The following MAN2C1 variants were observed in gnomAD, a reference collection of about 807,000 sequenced individuals.
MAN2C1 encodes alpha-mannosidase 2C1.
Under a neutral mutation model 126.9 loss-of-function variants are expected in MAN2C1, and 111 were observed. That is an observed-to-expected ratio of 0.87 (90% CI 0.75 to 1.02). The LOEUF is 1.02. Ranked by LOEUF, MAN2C1 falls within the 50% of genes least tolerant of loss-of-function variation. The pLI is 0.00. For synonymous variants in MAN2C1, 567 were observed against 561.5 expected (o/e 1.01, Z -0.14); for missense variants, 1,363 against 1,364.4 (o/e 1.00, Z 0.02).
In MAN2C1 at chr15:75,356,227, G is replaced by A. The variant is rs1392851683; in HGVS notation, c.2887-8C>T. ...CTGGGGGCTGCTCTCCGCCTGCAGA[G>A]GAACACGTCTGGTGGGAGGGGCCGA... is the stretch of plus-strand genomic sequence containing the variant. On this transcript the variant is annotated splice_region_variant and splice_polypyrimidine_tract_variant and intron_variant, in intron 24 of 25. Coordinates refer to ENST00000267978, the MANE Select transcript of MAN2C1 (RefSeq NM_006715.4). The surrounding 1 kb of genome is among the most constrained non-coding windows in gnomAD (Gnocchi z 5.8). 2 of 1,612,942 alleles carry A rather than the reference G, an allele frequency of 1.2e-6. No homozygotes were observed. Among genetic ancestry groups the A allele is most frequent in the East Asian group, 2.2e-5 (1 of 44,872 alleles).
intron 3 of MAN2C1, 56 bp from the exon 4 acceptor site, chr15:75,366,648 A>G: frequency 7.2e-7 from 1 of 1,379,728 alleles, no homozygotes; most frequent in Middle Eastern, 1.8e-4. Flanking sequence ...CAGTTCAGGT[A>G]AAGTGTAAGC....
At chr15:75,360,981 G>A in intron 12 of MAN2C1, 65 bp downstream of exon 12, 3 of 1,545,982 alleles carry the variant, frequency 1.9e-6, no homozygotes, top group Admixed American at 1.9e-5. Flanking sequence ...CAATGTCTGA[G>A]GGAAGGCAGG....
rs752487407 is a variant in MAN2C1 at position 75,358,555 on chromosome 15, G to A, written c.2310C>T (p.Ser770=). The change falls in exon 20 of 26, where the codon AGC becomes AGT. Residue 770 remains serine, a synonymous_variant. Transcript: ENST00000267978. ...GGCTGATCTGTAGCAAGAACCAGGC[G>A]CTGCCCCGCAGGCCGCCCTCGGTGC... is the stretch of plus-strand genomic sequence containing the variant. ...AVGTEGGLRG[S]AWFLLQISPN... The A allele has an allele frequency of 3.1e-6, 5 of 1,613,294 alleles. No homozygotes were observed. Among genetic ancestry groups the A allele is most frequent in the East Asian group, 4.5e-5 (2 of 44,898 alleles).
intron 3 of MAN2C1, among the ~76,000 whole-genome samples, chr15:75,366,993 A>G (rs1025621234): frequency 1.1e-4 from 17 of 152,164 alleles, no homozygotes; most frequent in Non-Finnish European, 2.1e-4. Context: ...AATGGACACC[A>G]GGAGATATTT....
rs558136510 is a variant in MAN2C1, at chr15:75,359,580, C to T, written c.1948+40G>A. ...CAGGCCTGATCTGTCTGGCCTCCAT[C>T]CTTCCTGCTGCAGTAGCAACCCTTC... is the stretch of plus-strand genomic sequence containing the variant. On this transcript the variant is annotated intron_variant, in intron 16 of 25. Transcript: ENST00000267978. 313 of 1,608,064 alleles carry T rather than the reference C, an allele frequency of 1.9e-4. 5 individuals are homozygous for T. In the South Asian group the frequency reaches 3.4e-3, roughly 17 times the overall value.
chr15:75,356,375 T>A lies in MAN2C1; in HGVS notation c.2812A>T (p.Ser938Cys). Residue 938 changes from serine to cysteine, a missense_variant, in exon 24 of 26, where the codon AGC (serine) becomes TGC (cysteine). Ser to Cys is a moderately radical substitution (Grantham distance 112). Around this residue, in one of 3 missense-constraint regions of MAN2C1, gnomAD observed 668 missense variants for 650.1 expected, o/e 1.03. Coordinates refer to ENST00000267978, the MANE Select transcript of MAN2C1 (RefSeq NM_006715.4). This position sits in a 1 kb window ranked among gnomAD's most constrained non-coding sequence, Gnocchi z 5.8. ...NFPLLALPAP[S>C]PAPATSWSAF... ...CTCCAGGAGGTGGCGGGCGCTGGGCTGGGGGCTGGCAGAGCCAACAGGGGG... is the reference window on the plus strand; with the variant it reads ...CTCCAGGAGGTGGCGGGCGCTGGGCAGGGGGCTGGCAGAGCCAACAGGGGG... The A allele has an allele frequency of 1.9e-6, 3 of 1,611,708 alleles. No homozygotes were observed. Among genetic ancestry groups the A allele is most frequent in the Non-Finnish European group, 2.5e-6 (3 of 1,179,250 alleles).
intron 21 of MAN2C1, 26 bp downstream of exon 21, chr15:75,358,167 AGTCCAAGG>A (rs1392228887): frequency 6.2e-7 from 1 of 1,611,162 alleles, no homozygotes; most frequent in Non-Finnish European, 8.5e-7. Flanking sequence ...GCCAGGGAGG[AGTCCAAGG>A]CCACTCCCAC....
rs1465516139 is a variant in MAN2C1 at position 75,359,440 on chromosome 15, T to C, written c.1949-15A>G. 4 of 1,605,112 alleles carry C rather than the reference T, an allele frequency of 2.5e-6. No homozygotes were observed. Among genetic ancestry groups the C allele is most frequent in the Non-Finnish European group, 3.4e-6 (4 of 1,174,766 alleles). On this transcript the variant is annotated splice_polypyrimidine_tract_variant and intron_variant, in intron 16 of 25. Coordinates refer to ENST00000267978, the MANE Select transcript of MAN2C1 (RefSeq NM_006715.4). ...TGTCACCAGGGCTGGGGGTGAGGCCTGGGCATCAGTGCAGCCTTCCTGACC... is the reference window on the plus strand; with the variant it reads ...TGTCACCAGGGCTGGGGGTGAGGCCCGGGCATCAGTGCAGCCTTCCTGACC...
chr15:75,367,380 C>A, intron 3 of MAN2C1, 131 bp downstream of exon 3: 1 of 1,218,244 alleles, frequency 8.2e-7, no homozygotes. Flanking sequence ...CTTCCCTAGT[C>A]CTGAAATCCT....
At chr15:75,359,016 T>C in intron 18 of MAN2C1, 43 bp downstream of exon 18, 1 of 1,608,466 alleles carries the variant, frequency 6.2e-7, no homozygotes, top group Non-Finnish European at 8.5e-7. Context: ...TGGCCTGGGG[T>C]CTACTTGCCA....
chr15:75,358,940 T>C, intron 18 of MAN2C1, 119 bp downstream of exon 18: 1 of 1,471,550 alleles, frequency 6.8e-7, no homozygotes, highest in Non-Finnish European at 9.4e-7. Flanking sequence ...GCTCCATGTG[T>C]GGGTTCCAGC....
chr15:75,367,646 C>G lies in MAN2C1; in HGVS notation c.228-12G>C. ...AGCAGGTCCACCATCTGCAAGAGAG[C>G]TGTTGTGATAGGCCTAGAGGTAGAA... On this transcript the variant is annotated splice_polypyrimidine_tract_variant and intron_variant, in intron 2 of 25. Coordinates refer to ENST00000267978, the MANE Select transcript of MAN2C1 (RefSeq NM_006715.4). 6.2e-7 allele frequency: 1 copy of G among 1,614,066 alleles called. No individual in the cohort carries two copies. The highest frequency in any genetic ancestry group is 8.5e-7 in the Non-Finnish European group (1 of 1,179,938).
chr15:75,356,446 G>C lies in MAN2C1; in HGVS notation c.2741C>G (p.Ser914Cys). The C allele has an allele frequency of 6.3e-7, 1 of 1,598,824 alleles. No individual in the cohort carries two copies. The highest frequency in any genetic ancestry group is 1.1e-5 in the South Asian group (1 of 88,362). Residue 914 changes from serine (S) to cysteine (C), a missense_variant, in exon 24 of 26, where the codon TCT (serine) becomes TGT (cysteine). By Grantham distance (112) the Ser-to-Cys change is moderately radical. This residue lies in a region of MAN2C1 where 668 missense variants were observed against 650.1 expected (regional missense o/e 1.03). Coordinates refer to ENST00000267978, the MANE Select transcript of MAN2C1 (RefSeq NM_006715.4). This position sits in a 1 kb window ranked among gnomAD's most constrained non-coding sequence, Gnocchi z 5.8. ...FTYALMPHKG[S>C]FQDAGVIQAA... ...TTGGATAACGCCAGCATCCTGGAAAGAGCCTGGGGTACGACCAGGAAACAA... is the reference window on the plus strand; with the variant it reads ...TTGGATAACGCCAGCATCCTGGAAACAGCCTGGGGTACGACCAGGAAACAA...
In MAN2C1 at chr15:75,362,216, C is replaced by G. The variant is rs1595877488; in HGVS notation, c.1008+127G>C. ...CCTTGAGATCCCAGGGACTAATGAG[C>G]CAGCCCTGCCACACAGCGGGGATGA... is the stretch of plus-strand genomic sequence containing the variant. On this transcript the variant is annotated intron_variant, in intron 8 of 25. Transcript: ENST00000267978. This position sits in a 1 kb window ranked among gnomAD's most constrained non-coding sequence, Gnocchi z 4.5. 1.2e-5 allele frequency: 10 copies of G among 821,574 alleles called. No individual in the cohort carries two copies. Among genetic ancestry groups the G allele is most frequent in the Admixed American group, 2.1e-5 (1 of 46,584 alleles). 50.9% of individuals were successfully genotyped at this position (821,574 alleles called of 1,614,324 possible).
At position 75,358,729 on chromosome 15, in the gene MAN2C1, C is replaced by G; in HGVS notation, c.2221G>C (p.Val741Leu). 8.7e-7 allele frequency: 1 copy of G among 1,145,996 alleles called. No individual in the cohort carries two copies. Among genetic ancestry groups the G allele is most frequent in the Non-Finnish European group, 1.3e-6 (1 of 784,900 alleles). The allele number at this position is 1,145,996 out of a possible 1,614,324, so 71.0% of individuals were successfully genotyped here. The change falls in exon 19 of 26, where the codon GTC becomes CTC. Residue 741 changes from valine to leucine, a missense_variant. By Grantham distance (32) the Val-to-Leu change is conservative. Transcript: ENST00000267978. ...DVPLYWDAWD[V>L]MDYHLETRKP... ...CGTGTCTCCAGGTGGTAGTCCATGA[C>G]GTCCCATGCATCCCAGTACAAGGGG...
At chr15:75,367,730 G>GC (rs2072605614) in intron 2 of MAN2C1, 96 bp from the exon 3 acceptor site, 41 of 1,483,360 alleles carry the variant, frequency 2.8e-5, no homozygotes, top group Non-Finnish European at 3.7e-5. Context: ...AACTCTCCAA[G>GC]CATCTGCAGT....
rs775186715 is a variant in MAN2C1 at position 75,362,463 on chromosome 15, G to A, written c.898-10C>T. 20 of 1,598,990 alleles carry A rather than the reference G, an allele frequency of 1.3e-5. No homozygotes were observed. The Admixed American group carries it at 2.6e-4, about 21-fold the overall frequency. ...ATTCCAGCTGCTGCGCCTGTGGGCA[G>A]GTTGAAGGGAGCTGGGACCAGAGTG... On this transcript the variant is annotated splice_polypyrimidine_tract_variant and intron_variant, in intron 7 of 25. Coordinates refer to ENST00000267978, the MANE Select transcript of MAN2C1 (RefSeq NM_006715.4). The surrounding 1 kb of genome is among the most constrained non-coding windows in gnomAD (Gnocchi z 4.5).
In MAN2C1 at chr15:75,360,622, C is replaced by G. The variant is rs77932613; in HGVS notation, c.1527G>C (p.Thr509=). ...GCTCCAAGAAGAGCTCCCCAACCCA[C>G]GTGCACAGCTGCTCTGAGTCACTCT... ...ALESDSEQLC[T]WVGELFLELH... is the part of the protein sequence containing the mutation. The change falls in exon 13 of 26, where the codon ACG becomes ACC. Residue 509 remains threonine, a synonymous_variant. Coordinates refer to ENST00000267978, the MANE Select transcript of MAN2C1 (RefSeq NM_006715.4). The G allele has an allele frequency of 5.2e-3, 8,437 of 1,613,924 alleles. 252 individuals carry two copies. The East Asian group carries it at 0.093, about 18-fold the overall frequency.
At chr15:75,367,817 C>G in intron 2 of MAN2C1, 183 bp from the exon 3 acceptor site, 2 of 899,556 alleles carry the variant, frequency 2.2e-6, no homozygotes, top group Non-Finnish European at 1.6e-6. Flanking sequence ...CAGGCAGAGG[C>G]GTCAAAGGTT....
Sources: gnomAD v4.1 joint callset for allele counts (sites outside exome capture counted in the v4.1 genomes callset) on GRCh38, gnomAD v4.1.1 for gene constraint, gnomAD v4.1.1 regional missense constraint, Gnocchi (gnomAD v3.1) non-coding constraint, MANE v1.5 for transcripts, NCBI Gene and HGNC (gene_info 2026-07-23, HGNC 2026-07-21) for gene names.